TNIK: variants seen among roughly 807,000 people sequenced by gnomAD.
TNIK encodes TRAF2 and NCK-interacting protein kinase.
In TNIK, 49 loss-of-function variants were observed where a neutral mutation model predicts 191.3. The observed-to-expected ratio is 0.26, with a 90% CI of 0.20 to 0.32. The LOEUF (loss-of-function observed/expected upper bound fraction) is 0.32, where lower values mean the gene tolerates loss of function less well. TNIK is among the 10% of genes least tolerant of loss of function. The pLI is 1.00. For synonymous variants in TNIK, 594 were observed against 600.9 expected (o/e 0.99, Z 0.17); for missense variants, 1,155 against 1,702.3 (o/e 0.68, Z 5.66).
Position 171,059,950 on chromosome 3 carries a change from T to C in TNIK, c.*3931A>G, listed in dbSNP as rs1232799570. 6.6e-6 allele frequency among the ~76,000 whole-genome samples: 1 copy of C among 152,226 alleles called. No individual in the cohort carries two copies. The highest frequency in any genetic ancestry group is 1.5e-5 in the Non-Finnish European group (1 of 68,030). On this transcript the variant is annotated 3_prime_UTR_variant, in exon 33 of 33. Transcript: ENST00000436636. ...GCATAGTAGCATCATTCAGAATTGTTATCAGCATGCTGTGGATTTTCTCAT... is the reference window on the plus strand; with the variant it reads ...GCATAGTAGCATCATTCAGAATTGTCATCAGCATGCTGTGGATTTTCTCAT...
intron 2 of TNIK, among the ~76,000 whole-genome samples, chr3:171,330,015 G>T (rs1052054273): frequency 3.3e-5 from 5 of 152,196 alleles, no homozygotes; most frequent in African/African-American, 1.2e-4. Context: ...AAGGAAAGCG[G>T]TTTTTAATTC....
At chr3:171,346,197 T>C (rs1165271441) in intron 2 of TNIK, among the ~76,000 whole-genome samples, 2 of 152,160 alleles carry the variant, frequency 1.3e-5, no homozygotes, top group Non-Finnish European at 2.9e-5. Flanking sequence ...CTGCTTGGCG[T>C]GGTTGATCAT....
In TNIK at chr3:171,108,903, A is replaced by G. The variant is rs112947213; in HGVS notation, c.2285-741T>C. 1.2e-3 allele frequency among the ~76,000 whole-genome samples: 178 copies of G among 152,212 alleles called. 1 individual carries two copies. Among genetic ancestry groups the G allele is most frequent in the African/African-American group, 4.1e-3 (169 of 41,508 alleles). The stretch of plus-strand genomic sequence containing the variant: ...GTGAATAGCATCTTTGCAGTCTATG[A>G]GCTTACAGATAGAGAAGATGCAATT... On this transcript the variant is annotated intron_variant, in intron 19 of 32. Transcript: ENST00000436636.
chr3:171,141,098 G>A (rs980510498), intron 12 of TNIK, among the ~76,000 whole-genome samples: 2 of 152,074 alleles, frequency 1.3e-5, no homozygotes, highest in African/African-American at 4.8e-5. Flanking sequence ...TCAAGTTCTT[G>A]CTCGAATAAG....
At chr3:171,071,138 ATTG>A in intron 29 of TNIK, 82 bp downstream of exon 29, 2 of 911,188 alleles carry the variant, frequency 2.2e-6, no homozygotes. Context: ...GAAAATTGGT[ATTG>A]GTCTATATGG....
chr3:171,364,866 G>T (rs1413244647), intron 2 of TNIK, among the ~76,000 whole-genome samples: 1 of 151,988 alleles, frequency 6.6e-6, no homozygotes, highest in African/African-American at 2.4e-5. Context: ...TAAGTAGAGG[G>T]AACTATGACT....
chr3:171,335,624 G>A (rs562849893), intron 2 of TNIK, among the ~76,000 whole-genome samples: 5 of 152,182 alleles, frequency 3.3e-5, no homozygotes, highest in South Asian at 4.2e-4. Flanking sequence ...TTGTTTAGTC[G>A]TATTCTGCTA....
intron 6 of TNIK, 130 bp from the exon 7 acceptor site, chr3:171,188,962 T>G: frequency 8.6e-7 from 1 of 1,159,152 alleles, no homozygotes; most frequent in Non-Finnish European, 1.2e-6. Flanking sequence ...CATTTTCAAA[T>G]GTACATTTCT....
intron 1 of TNIK, among the ~76,000 whole-genome samples, chr3:171,416,589 AT>A (rs534059507): frequency 2.9e-4 from 44 of 152,278 alleles, no homozygotes; most frequent in African/African-American, 1.1e-3. Context: ...TTTAAAGCCA[AT>A]GTCCAATTTA....
intron 2 of TNIK, among the ~76,000 whole-genome samples, chr3:171,252,377 T>C (rs1321995917): frequency 6.6e-6 from 1 of 152,164 alleles, no homozygotes; most frequent in African/African-American, 2.4e-5. Context: ...TGTGCACTTA[T>C]ATAGGCAGAT....
chr3:171,162,332 G>A (rs1298584061), intron 10 of TNIK, among the ~76,000 whole-genome samples: 2 of 152,140 alleles, frequency 1.3e-5, no homozygotes, highest in Non-Finnish European at 2.9e-5. Flanking sequence ...GCTGAGGCAG[G>A]AGAATGGCAT....
At chr3:171,152,778 T>G (rs868358456) in intron 12 of TNIK, among the ~76,000 whole-genome samples, 1,748 of 11,506 alleles carry the variant, frequency 0.15, 33 homozygotes, top group African/African-American at 0.47. Context: ...TGTTTTTTGT[T>G]TTTTTTTTTT....
chr3:171,211,250 GAAC>G lies in TNIK; in HGVS notation c.181-12_181-10del, dbSNP rs539895612. On this transcript the variant is annotated splice_polypyrimidine_tract_variant and intron_variant, in intron 3 of 32. Coordinates refer to ENST00000436636, the MANE Select transcript of TNIK (RefSeq NM_015028.4). The stretch of plus-strand genomic sequence containing the variant: ...ATTTCTTCCTCTTCATCCTGTATGA[GAAC>G]AATATAAAAATTCTGTCATGAAAAT... 3.3e-4 allele frequency: 516 copies of G among 1,587,384 alleles called. No individual in the cohort carries two copies. Among genetic ancestry groups the G allele is most frequent in the Middle Eastern group, 1.7e-3 (8 of 4,678 alleles).
intron 3 of TNIK, chr3:171,225,448 T>A (rs1336689941): frequency 8.2e-6 from 3 of 367,850 alleles, no homozygotes; most frequent in Admixed American, 7.0e-5. Context: ...TCAATAGGAG[T>A]TCCCCAAGAG....
Position 171,125,049 on chromosome 3 carries a change from TGAG to T in TNIK, c.2013+860_2013+862del, listed in dbSNP as rs1728283433. 2.6e-5 allele frequency among the ~76,000 whole-genome samples: 4 copies of T among 152,326 alleles called. No individual in the cohort carries two copies. In the South Asian group the frequency reaches 8.3e-4, roughly 32 times the overall value. On this transcript the variant is annotated intron_variant, in intron 17 of 32. Coordinates refer to ENST00000436636, the MANE Select transcript of TNIK (RefSeq NM_015028.4). ...TTATAATATCCTTTTAAGAGGAAGA[TGAG>T]GAAATGTATTTGTAATTGAGTAAAA...
At chr3:171,231,670 T>C (rs1296194663) in intron 2 of TNIK, among the ~76,000 whole-genome samples, 1 of 152,180 alleles carries the variant, frequency 6.6e-6, no homozygotes, top group Non-Finnish European at 1.5e-5. Context: ...CAAGTTATGA[T>C]CCAGATTAAG....
intron 2 of TNIK, among the ~76,000 whole-genome samples, chr3:171,241,120 T>C (rs1744932036): frequency 6.6e-6 from 1 of 151,704 alleles, no homozygotes; most frequent in Non-Finnish European, 1.5e-5. Flanking sequence ...AACCTCCACC[T>C]CCCAGTTTCA....
At chr3:171,161,240 C>T (rs1351248389) in intron 11 of TNIK, 30 bp downstream of exon 11, 3 of 1,603,518 alleles carry the variant, frequency 1.9e-6, no homozygotes, top group East Asian at 4.5e-5. Flanking sequence ...AGAATGTGAA[C>T]ATTAGAAGAC....
At position 171,224,478 on chromosome 3, in the gene TNIK, C is replaced by A. The variant is rs532830097; in HGVS notation, c.180+3687G>T. Among the ~76,000 whole-genome samples, 633 of 150,760 alleles carry A rather than the reference C, an allele frequency of 4.2e-3. 1 individual carries two copies. The highest frequency in any genetic ancestry group is 0.014 in the African/African-American group (574 of 40,820). ...ATTTACAGGGTTATCAAAAAAAAAACCCCACAAAAAACCATAGCTCCTTCA... is the reference window on the plus strand; with the variant it reads ...ATTTACAGGGTTATCAAAAAAAAAAACCCACAAAAAACCATAGCTCCTTCA... On this transcript the variant is annotated intron_variant, in intron 3 of 32. Transcript: ENST00000436636.
Sources: allele counts gnomAD v4.1 joint callset (sites outside exome capture counted in the v4.1 genomes callset), GRCh38; gene constraint gnomAD v4.1.1; transcripts MANE v1.5; gene names NCBI Gene and HGNC (gene_info 2026-07-23, HGNC 2026-07-21).